Variants in RAD51B observed in about 807,000 individuals in gnomAD.
RAD51B encodes DNA repair protein RAD51 homolog 2.
RAD51B carries 38 observed loss-of-function variants against 42.2 expected under a neutral mutation model. The ratio of observed to expected loss-of-function variants is 0.90; its 90% confidence interval spans 0.70 to 1.18. RAD51B has a LOEUF of 1.18. Among genes scored for constraint, RAD51B ranks in the 50% most tolerant of loss-of-function variants. The pLI is 0.00. For synonymous variants in RAD51B, 154 were observed against 145.2 expected, an observed-to-expected ratio of 1.06 and a Z score of -0.43; for missense variants, 373 against 400.7, an observed-to-expected ratio of 0.93 and a Z score of 0.59.
chr14:68,010,047 TG>T (rs1555340541), intron 7 of RAD51B, among the ~76,000 whole-genome samples: 1 of 151,934 alleles, frequency 6.6e-6, no homozygotes, highest in Non-Finnish European at 1.5e-5. Flanking sequence ...TTCTCAATTT[TG>T]TTTTGTTTTC....
intron 8 of RAD51B, among the ~76,000 whole-genome samples, chr14:68,297,183 C>A (rs545314273): frequency 6.6e-6 from 1 of 152,180 alleles, no homozygotes; most frequent in Non-Finnish European, 1.5e-5. Flanking sequence ...TGGGACAAAT[C>A]AGAGACTCAT....
chr14:67,971,945 T>C (rs937227167), intron 7 of RAD51B, among the ~76,000 whole-genome samples: 3 of 151,682 alleles, frequency 2.0e-5, no homozygotes, highest in Non-Finnish European at 2.9e-5. Context: ...AGATAAAAGA[T>C]AGCATTACCA....
At chr14:68,352,759 A>G (rs993724655) in intron 8 of RAD51B, among the ~76,000 whole-genome samples, 3 of 152,198 alleles carry the variant, frequency 2.0e-5, no homozygotes, top group African/African-American at 4.8e-5. Flanking sequence ...GGTTTCTGGG[A>G]CACTTACCAG....
chr14:67,950,696 A>G (rs545421816), intron 7 of RAD51B, among the ~76,000 whole-genome samples: 1 of 152,296 alleles, frequency 6.6e-6, no homozygotes, highest in Non-Finnish European at 1.5e-5. Flanking sequence ...AGCTTTTGAT[A>G]CGTCTTCCTC....
chr14:68,497,484 G>A, intron 10 of RAD51B: 1 of 1,062,360 alleles, frequency 9.4e-7, no homozygotes, highest in South Asian at 4.6e-5. Flanking sequence ...GGAACACATA[G>A]GTTTTTTTTT....
chr14:68,141,605 C>T (rs552851272), intron 7 of RAD51B, among the ~76,000 whole-genome samples: 22 of 152,158 alleles, frequency 1.4e-4, no homozygotes, highest in African/African-American at 4.8e-4. Flanking sequence ...TGTTTTCTGA[C>T]GTTTGGGTAT....
At chr14:68,588,803 T>C (rs1890608421) in intron 10 of RAD51B, among the ~76,000 whole-genome samples, 1 of 152,178 alleles carries the variant, frequency 6.6e-6, no homozygotes, top group Non-Finnish European at 1.5e-5. Context: ...TGTTGGTGTG[T>C]TCTGTCATTA....
intron 9 of RAD51B, among the ~76,000 whole-genome samples, chr14:68,428,964 TCTC>T (rs2084929428): frequency 6.6e-6 from 1 of 150,516 alleles, no homozygotes; most frequent in African/African-American, 2.5e-5. Flanking sequence ...GTCCAAGTGT[TCTC>T]CTTGTTCAAT....
intron 7 of RAD51B, among the ~76,000 whole-genome samples, chr14:68,101,324 G>T (rs1367777791): frequency 1.3e-5 from 2 of 152,154 alleles, no homozygotes; most frequent in East Asian, 3.8e-4. Flanking sequence ...GTCTGGCAAA[G>T]TCTTAACTCA....
At chr14:68,480,557 A>G (rs1381949521), downstream of RAD51B, among the ~76,000 whole-genome samples, 1 of 152,120 alleles carries the variant, frequency 6.6e-6, no homozygotes, top group East Asian at 1.9e-4. Flanking sequence ...AAAAATTAGA[A>G]TTCTTATCAA....
At chr14:67,978,882 A>G (rs1301974426) in intron 7 of RAD51B, among the ~76,000 whole-genome samples, 2 of 152,226 alleles carry the variant, frequency 1.3e-5, no homozygotes, top group Admixed American at 6.5e-5. Flanking sequence ...GAAAAAAGGA[A>G]AAGACTTATT....
At chr14:68,112,280 C>T (rs972836590) in intron 7 of RAD51B, among the ~76,000 whole-genome samples, 4 of 152,000 alleles carry the variant, frequency 2.6e-5, no homozygotes, top group Non-Finnish European at 4.4e-5. Flanking sequence ...TAACAATGGT[C>T]TTCCATAATG....
At chr14:68,552,209 C>T (rs1025833994) in intron 10 of RAD51B, among the ~76,000 whole-genome samples, 1 of 152,196 alleles carries the variant, frequency 6.6e-6, no homozygotes, top group Non-Finnish European at 1.5e-5. Context: ...CTCTGCTTGC[C>T]TGGCCTGAGG....
intron 10 of RAD51B, among the ~76,000 whole-genome samples, chr14:68,529,293 T>G (rs931163506): frequency 1.3e-5 from 2 of 152,156 alleles, no homozygotes; most frequent in African/African-American, 4.8e-5. Flanking sequence ...TCCTCCTAGG[T>G]TCAGGCAATT....
At chr14:68,142,868 G>C (rs2078156940) in intron 7 of RAD51B, among the ~76,000 whole-genome samples, 2 of 151,940 alleles carry the variant, frequency 1.3e-5, no homozygotes, top group South Asian at 4.2e-4. Context: ...TTATTGATGA[G>C]AGTCAGAACA....
intron 9 of RAD51B, among the ~76,000 whole-genome samples, chr14:68,414,373 G>A (rs2084495580): frequency 6.6e-6 from 1 of 152,022 alleles, no homozygotes; most frequent in African/African-American, 2.4e-5. Context: ...TTCCTACTCT[G>A]CTTCAATCCT....
chr14:68,530,001 A>G (rs1484185790), intron 10 of RAD51B, among the ~76,000 whole-genome samples: 1 of 152,218 alleles, frequency 6.6e-6, no homozygotes, highest in African/African-American at 2.4e-5. Context: ...ATGAAGATAA[A>G]ATTAGTGAAT....
At chr14:68,273,355 C>T (rs1189457223) in intron 7 of RAD51B, among the ~76,000 whole-genome samples, 1 of 152,142 alleles carries the variant, frequency 6.6e-6, no homozygotes, top group Non-Finnish European at 1.5e-5. Context: ...TGTTCTTGGT[C>T]CCAAAGCTCC....
At chr14:67,895,564 C>T (rs1256068831) in intron 7 of RAD51B, among the ~76,000 whole-genome samples, 1 of 152,116 alleles carries the variant, frequency 6.6e-6, no homozygotes, top group Non-Finnish European at 1.5e-5. Context: ...TACCATGATG[C>T]TTATAGAATT....
Sources: allele counts gnomAD v4.1 joint callset (sites outside exome capture counted in the v4.1 genomes callset), GRCh38; gene constraint gnomAD v4.1.1; transcripts MANE v1.5; gene names NCBI Gene and HGNC (gene_info 2026-07-23, HGNC 2026-07-21).